SNRNP40: variants seen among roughly 807,000 people sequenced by gnomAD.
SNRNP40 encodes the protein small nuclear ribonucleoprotein U5 subunit 40.
A neutral mutation model predicts 45.8 loss-of-function variants in SNRNP40; 21 were observed. The observed-to-expected ratio is 0.46, with a 90% confidence interval of 0.32 to 0.66. The LOEUF is 0.66. SNRNP40 is among the 30% of genes least tolerant of loss of function. The probability of loss-of-function intolerance (pLI) is 0.03; values close to 1 mark genes in which losing one functional copy is unlikely to be tolerated. For synonymous variants in SNRNP40, 142 were observed against 163.8 expected (o/e 0.87, Z 1.01); for missense variants, 344 against 439.1 (o/e 0.78, Z 1.94).
chr1:31,291,266 C>G (rs1246025095), intron 3 of SNRNP40, among the ~76,000 whole-genome samples: 3 of 112,900 alleles, frequency 2.7e-5, no homozygotes, highest in African/African-American at 9.5e-5. Flanking sequence ...CCAGCCTGGG[C>G]AACAAGAGTG....
intron 8 of SNRNP40, chr1:31,263,603 C>A: frequency 2.2e-6 from 1 of 464,700 alleles, no homozygotes; most frequent in Admixed American, 2.4e-5. Context: ...GTTGAGTGAA[C>A]TGCTGAGATT....
At chr1:31,269,621 T>C (rs188340199) in intron 6 of SNRNP40, 21 of 368,412 alleles carry the variant, frequency 5.7e-5, no homozygotes, top group African/African-American at 4.4e-4. Context: ...ACTGTGACAA[T>C]GAACTTATAA....
At chr1:31,283,870 T>G (rs1442341340) in intron 4 of SNRNP40, among the ~76,000 whole-genome samples, 1 of 152,172 alleles carries the variant, frequency 6.6e-6, no homozygotes, top group Non-Finnish European at 1.5e-5. Flanking sequence ...CTGCCTAACA[T>G]GATACACAAA....
chr1:31,274,916 GA>G (rs1159979889), intron 5 of SNRNP40, among the ~76,000 whole-genome samples: 1 of 152,088 alleles, frequency 6.6e-6, no homozygotes, highest in East Asian at 2.0e-4. Context: ...CTCTTTCTTA[GA>G]ACAGGCAGTG....
Position 31,285,231 on chromosome 1 carries a change from T to G in SNRNP40, c.532-3735A>C, listed in dbSNP as rs1281800827. 1.0e-4 allele frequency among the ~76,000 whole-genome samples: 15 copies of G among 148,126 alleles called. No individual in the cohort carries two copies. The East Asian group carries it at 2.9e-3, about 29-fold the overall frequency. ...ATTTGAGAGTAAGTTGCTTACCCAA[T>G]GCCTTATCACCTTTTTTTTTTTTTT... On this transcript the variant is annotated intron_variant, in intron 4 of 9. Coordinates refer to ENST00000263694, the MANE Select transcript of SNRNP40 (RefSeq NM_004814.3).
In SNRNP40 at chr1:31,295,477, G is replaced by C. The variant is rs192045433; in HGVS notation, c.141+1134C>G. ...GGCAAATATTCGCAGGAGCTGAATA[G>C]TAAACCATGTAAACATTTGTGAAGA... On this transcript the variant is annotated intron_variant, in intron 1 of 9. Transcript: ENST00000263694. Among the ~76,000 whole-genome samples, 212 of 152,346 alleles carry C rather than the reference G, an allele frequency of 1.4e-3. 1 individual carries two copies. The highest frequency in any genetic ancestry group is 4.0e-3 in the African/African-American group (168 of 41,568).
At chr1:31,289,011 G>C (rs1385317015) in intron 4 of SNRNP40, among the ~76,000 whole-genome samples, 1 of 152,208 alleles carries the variant, frequency 6.6e-6, no homozygotes, top group Non-Finnish European at 1.5e-5. Flanking sequence ...GATTACAGGC[G>C]TAAGCCACAG....
At chr1:31,269,464 G>A in intron 6 of SNRNP40, 1 of 1,095,690 alleles carries the variant, frequency 9.1e-7, no homozygotes, top group Non-Finnish European at 1.2e-6. Context: ...GGGGCAGGAA[G>A]GAAAAATGTC....
At chr1:31,273,845 C>A (rs1398760808) in intron 5 of SNRNP40, among the ~76,000 whole-genome samples, 1 of 152,030 alleles carries the variant, frequency 6.6e-6, no homozygotes, top group Non-Finnish European at 1.5e-5. Flanking sequence ...ATGCAAGGTA[C>A]AGTTGCATAC....
chr1:31,289,456 G>T (rs374337355), intron 3 of SNRNP40, 37 bp from the exon 4 acceptor site: 5 of 1,566,688 alleles, frequency 3.2e-6, no homozygotes, highest in Non-Finnish European at 4.4e-6. Flanking sequence ...AGAAATAAGT[G>T]AAGATAAACA....
intron 5 of SNRNP40, 109 bp downstream of exon 5, chr1:31,281,265 C>G (rs1053215001): frequency 5.3e-5 from 45 of 842,362 alleles, no homozygotes; most frequent in Non-Finnish European, 7.2e-5. Flanking sequence ...TACTATTTTC[C>G]TTTCAGTTGG....
At chr1:31,289,609 G>A (rs944654186) in intron 3 of SNRNP40, among the ~76,000 whole-genome samples, 190 bp from the exon 4 acceptor site, 2 of 152,004 alleles carry the variant, frequency 1.3e-5, no homozygotes, top group African/African-American at 2.4e-5. Flanking sequence ...AGATGGCCCA[G>A]ATAAAAGATC....
chr1:31,296,528 A>G, intron 1 of SNRNP40, 83 bp downstream of exon 1: 1 of 1,479,464 alleles, frequency 6.8e-7, no homozygotes, highest in Admixed American at 2.3e-5. Context: ...GCAATGCGGG[A>G]AAGGGTCAGG....
At chr1:31,282,352 G>C (rs1010123533) in intron 4 of SNRNP40, 2 of 152,070 alleles carry the variant, frequency 1.3e-5, no homozygotes, top group African/African-American at 4.8e-5. Flanking sequence ...CTGGTTCCTG[G>C]GGGCAAGGAA....
intron 4 of SNRNP40, 137 bp downstream of exon 4, chr1:31,289,117 G>T: frequency 1.5e-6 from 1 of 663,872 alleles, no homozygotes; most frequent in Non-Finnish European, 2.5e-6. Flanking sequence ...TTTAAATGGG[G>T]AAAAATTTCA....
At chr1:31,281,581 T>A in intron 4 of SNRNP40, 85 bp from the exon 5 acceptor site, 1 of 1,237,904 alleles carries the variant, frequency 8.1e-7, no homozygotes, top group South Asian at 1.9e-5. Context: ...GTACGAGGAC[T>A]TTGTGGACAT....
At chr1:31,291,770 G>T in intron 3 of SNRNP40, 143 bp downstream of exon 3, 1 of 618,076 alleles carries the variant, frequency 1.6e-6, no homozygotes. Context: ...CCTCACTTGG[G>T]GTGACAGTGA....
intron 5 of SNRNP40, among the ~76,000 whole-genome samples, chr1:31,276,625 C>A (rs1228664485): frequency 6.6e-6 from 1 of 152,110 alleles, no homozygotes; most frequent in African/African-American, 2.4e-5. Flanking sequence ...GTGGCTCATG[C>A]CTGTAATCCC....
intron 5 of SNRNP40, among the ~76,000 whole-genome samples, chr1:31,273,496 C>T (rs976592567): frequency 1.3e-5 from 2 of 152,044 alleles, no homozygotes; most frequent in East Asian, 1.9e-4. Context: ...AAAAATTAGC[C>T]GGGCATGGTG....
Sources: gnomAD v4.1 joint callset for allele counts (sites outside exome capture counted in the v4.1 genomes callset) on GRCh38, gnomAD v4.1.1 for gene constraint, MANE v1.5 for transcripts, NCBI Gene and HGNC (gene_info 2026-07-23, HGNC 2026-07-21) for gene names.